Variants in PPP1R42 observed in about 807,000 individuals in gnomAD.
PPP1R42 encodes the protein leucine rich repeat containing 67.
PPP1R42 carries 34 observed loss-of-function variants against 31.0 expected under a neutral mutation model. The ratio of observed to expected loss-of-function variants is 1.10; its 90% CI spans 0.83 to 1.46. PPP1R42 has a LOEUF of 1.46. Ranked by LOEUF, PPP1R42 falls within the 40% of genes most tolerant of loss-of-function variation. The pLI, the probability that PPP1R42 is intolerant of heterozygous loss-of-function variation, is 0.00. For synonymous variants in PPP1R42, 103 were observed against 109.8 expected (o/e 0.94, Z 0.39); for missense variants, 268 against 303.0 (o/e 0.88, Z 0.86).
chr8:66,987,954 G>A (rs1226755882), intron 6 of PPP1R42, among the ~76,000 whole-genome samples: 1 of 152,164 alleles, frequency 6.6e-6, no homozygotes, highest in Admixed American at 6.5e-5. Flanking sequence ...TCGTCACCCA[G>A]CTCTCCTATC....
chr8:66,978,346 C>A (rs12114202), intron 7 of PPP1R42, among the ~76,000 whole-genome samples: 4 of 152,060 alleles, frequency 2.6e-5, no homozygotes, highest in African/African-American at 4.8e-5. Context: ...TCTCCCACCA[C>A]GTCCCTCCCA....
At chr8:66,981,260 A>G (rs532812104) in intron 7 of PPP1R42, among the ~76,000 whole-genome samples, 59 of 152,266 alleles carry the variant, frequency 3.9e-4, no homozygotes, top group Non-Finnish European at 7.9e-4. Flanking sequence ...ACACAACTTT[A>G]GGTATATTAT....
At chr8:67,019,398 G>C (rs1250597251) in intron 1 of PPP1R42, among the ~76,000 whole-genome samples, 2 of 150,128 alleles carry the variant, frequency 1.3e-5, no homozygotes, top group Non-Finnish European at 3.0e-5. Context: ...CCACCACCAT[G>C]CCCGGCTAAT....
intron 6 of PPP1R42, chr8:66,985,370 C>T (rs1169634526): frequency 1.3e-6 from 1 of 755,136 alleles, no homozygotes; most frequent in Non-Finnish European, 2.3e-6. Flanking sequence ...GAAGAGGGAA[C>T]AGCACGAATA....
chr8:66,968,375 A>T (rs1814444692), intron 7 of PPP1R42: 1 of 613,700 alleles, frequency 1.6e-6, no homozygotes. Context: ...CCCAGTGTGT[A>T]GAACCCTAAA....
At chr8:66,994,813 T>C (rs1815290471) in intron 5 of PPP1R42, among the ~76,000 whole-genome samples, 1 of 152,212 alleles carries the variant, frequency 6.6e-6, no homozygotes, top group Non-Finnish European at 1.5e-5. Flanking sequence ...ATATTTACTT[T>C]TAGAGATAAT....
At chr8:66,965,258 C>T (rs1245340033) in intron 7 of PPP1R42, among the ~76,000 whole-genome samples, 26 of 137,432 alleles carry the variant, frequency 1.9e-4, no homozygotes, top group African/African-American at 5.5e-4. Flanking sequence ...AGTGAGACTC[C>T]GTCTCAAAAA....
At chr8:67,016,358 A>G (rs1816017144) in intron 2 of PPP1R42, among the ~76,000 whole-genome samples, 1 of 152,204 alleles carries the variant, frequency 6.6e-6, no homozygotes, top group South Asian at 2.1e-4. Flanking sequence ...TGTGTTTCCA[A>G]GAAAATTTAG....
chr8:67,014,539 A>G lies in PPP1R42; in HGVS notation c.183T>C (p.Cys61=). 1 of 1,554,508 alleles carries G rather than the reference A, an allele frequency of 6.4e-7. No individual in the cohort carries two copies. Residue 61 remains cysteine, a synonymous_variant, in exon 3 of 8, where the codon TGT becomes TGC. Transcript: ENST00000685739. ...NLSVLYLYDN[C]ISQITNLNYA... ...AATTCAGGTTAGTGATTTGACTAAT[A>G]CAATTATCATATAAATATAAAACAC...
At chr8:66,988,617 G>T in intron 5 of PPP1R42, 100 bp from the exon 6 acceptor site, 1 of 1,097,318 alleles carries the variant, frequency 9.1e-7, no homozygotes, top group Non-Finnish European at 1.3e-6. Flanking sequence ...TGCTTTCATG[G>T]AGTTCTAGCT....
chr8:66,989,187 A>G (rs1264623858), intron 5 of PPP1R42, among the ~76,000 whole-genome samples: 1 of 152,116 alleles, frequency 6.6e-6, no homozygotes, highest in East Asian at 1.9e-4. Context: ...GCATGTTTTT[A>G]TAGCTTATAA....
chr8:67,013,614 G>A (rs187295551), intron 3 of PPP1R42, among the ~76,000 whole-genome samples: 1 of 152,232 alleles, frequency 6.6e-6, no homozygotes, highest in East Asian at 1.9e-4. Context: ...CAGCTACTCA[G>A]GAAGCTGAAG....
intron 5 of PPP1R42, among the ~76,000 whole-genome samples, chr8:66,999,716 A>C (rs1815429540): frequency 6.6e-6 from 1 of 152,146 alleles, no homozygotes; most frequent in South Asian, 2.1e-4. Context: ...TTGTGTGATA[A>C]AGTGCATCAG....
intron 5 of PPP1R42, among the ~76,000 whole-genome samples, chr8:67,006,056 C>T (rs906582662): frequency 2.6e-5 from 4 of 152,176 alleles, no homozygotes; most frequent in Non-Finnish European, 5.9e-5. Context: ...TGAGCACCTA[C>T]AATGTATTAG....
In PPP1R42 at chr8:67,010,800, T is replaced by C. The variant is rs769664602; in HGVS notation, c.467A>G (p.Asn156Ser). 6.2e-7 allele frequency: 1 copy of C among 1,601,310 alleles called. No homozygotes were observed. The highest frequency in any genetic ancestry group is 1.7e-5 in the Admixed American group (1 of 58,650). ...KSLCILNISNNNIDDITDLEL... is the reference protein window; with the variant it reads ...KSLCILNISNSNIDDITDLEL... ...TAAGTCTGTAATGTCATCAATATTA[T>C]TATTGCTGATATTCAATATACAGAG... The change falls in exon 5 of 8, where the codon AAT becomes AGT. Residue 156 changes from asparagine to serine, a missense_variant. Coordinates refer to ENST00000685739, the MANE Select transcript of PPP1R42 (RefSeq NM_001364910.1).
chr8:66,986,767 C>A (rs1486609114), intron 6 of PPP1R42, among the ~76,000 whole-genome samples: 1 of 152,246 alleles, frequency 6.6e-6, no homozygotes, highest in African/African-American at 2.4e-5. Context: ...AGTGAGGCTT[C>A]TGCGTTTGTG....
chr8:66,981,176 A>T (rs1814822297), intron 7 of PPP1R42, among the ~76,000 whole-genome samples: 1 of 151,910 alleles, frequency 6.6e-6, no homozygotes, highest in Non-Finnish European at 1.5e-5. Context: ...CAAAATTAAG[A>T]TAACTGTTAC....
rs896033426 is a variant in PPP1R42, at chr8:66,992,883, G to A, written c.553-4366C>T. On this transcript the variant is annotated intron_variant, in intron 5 of 7. Transcript: ENST00000685739. ...ATTTCTTTGTACTCTCTCCCCTCCC[G>A]ACTATAGGCAATCTTGTCGATGATA... Among the ~76,000 whole-genome samples, 3 of 152,242 alleles carry A rather than the reference G, an allele frequency of 2.0e-5. No individual in the cohort carries two copies. The East Asian group carries it at 5.8e-4, about 29-fold the overall frequency.
In PPP1R42 at chr8:67,014,543, T is replaced by C; in HGVS notation, c.179A>G (p.Asn60Ser). 3 of 1,551,780 alleles carry C rather than the reference T, an allele frequency of 1.9e-6. No homozygotes were observed. The highest frequency in any genetic ancestry group is 2.6e-6 in the Non-Finnish European group (3 of 1,135,666). Residue 60 changes from asparagine (N) to serine (S), a missense_variant, in exon 3 of 8, where the codon AAT (asparagine) becomes AGT (serine). Coordinates refer to ENST00000685739, the MANE Select transcript of PPP1R42 (RefSeq NM_001364910.1). Reference protein sequence around the residue: ...KNLSVLYLYDNCISQITNLNY... With the variant: ...KNLSVLYLYDSCISQITNLNY... ...CAGGTTAGTGATTTGACTAATACAA[T>C]TATCATATAAATATAAAACACTAAG...
Sources: gnomAD v4.1 joint callset for allele counts (sites outside exome capture counted in the v4.1 genomes callset) on GRCh38, gnomAD v4.1.1 for gene constraint, MANE v1.5 for transcripts, NCBI Gene and HGNC (gene_info 2026-07-23, HGNC 2026-07-21) for gene names.